KLK15: variants seen among roughly 807,000 people sequenced by gnomAD.
KLK15 encodes kallikrein-15.
In KLK15, 19 loss-of-function variants were observed where a neutral mutation model predicts 21.1. The ratio of observed to expected loss-of-function variants is 0.90; its 90% confidence interval spans 0.63 to 1.32. The LOEUF is 1.32. KLK15 is among the 40% of genes most tolerant of loss of function. The pLI, the probability that KLK15 is intolerant of heterozygous loss-of-function variation, is 0.00. For synonymous variants in KLK15, 141 were observed against 141.5 expected (o/e 1.00, Z 0.03); for missense variants, 345 against 348.6 (o/e 0.99, Z 0.08).
At chr19:50,827,161 G>A (rs761934373) in exon 3 of KLK15, 11 of 1,574,736 alleles carry the variant, frequency 7.0e-6, no homozygotes, top group Non-Finnish European at 9.4e-6. Flanking sequence ...CTCTCATGAA[G>A]CTGTGCGGGC....
In KLK15 at chr19:50,826,457, C is replaced by G. The variant is rs1485678584; in HGVS notation, c.618+164G>C. The G allele has an allele frequency of 7.7e-6, 6 of 777,250 alleles. No individual in the cohort carries two copies. In the East Asian group the frequency reaches 1.7e-4, roughly 22 times the overall value. The allele number at this position is 777,250 out of a possible 1,614,324, so 48.1% of individuals were successfully genotyped here. A position where few individuals can be genotyped will look rare whatever the true frequency, so the allele number is the denominator to read the frequency against. On this transcript the variant is annotated intron_variant, in intron 4 of 4. Coordinates refer to ENST00000598239, the Ensembl canonical transcript of KLK15. ...AACAACGCAATCCCCACCTATAACC[C>G]CAACTCCAACCTCACCCCTATTCTA...
intron 1 of KLK15, among the ~76,000 whole-genome samples, chr19:50,829,959 A>G (rs968032414): frequency 7.9e-5 from 12 of 151,768 alleles, no homozygotes; most frequent in Non-Finnish European, 1.0e-4. Context: ...GCACCCAGAC[A>G]CGGGGCTGGG....
chr19:50,827,081 ATGACCCG>A lies in KLK15; in HGVS notation c.271_277del (p.Arg91PhefsTer20). ...GCGCGCTTCGTAGCGCGGGTGTGGA[ATGACCCG>A]AGACGTGGTCCGTAGTTGCTCTGGG... On this transcript the variant is annotated frameshift_variant, in exon 3 of 5. Transcript: ENST00000598239. LOFTEE classifies it high-confidence loss of function. The A allele has an allele frequency of 6.2e-7, 1 of 1,606,304 alleles. No individual in the cohort carries two copies. Among genetic ancestry groups the A allele is most frequent in the South Asian group, 1.1e-5 (1 of 91,074 alleles).
chr19:50,828,337 G>A (rs989715437), intron 1 of KLK15, among the ~76,000 whole-genome samples: 2 of 151,584 alleles, frequency 1.3e-5, no homozygotes, highest in Non-Finnish European at 3.0e-5. Context: ...AGAGAGGAAG[G>A]GGAACAGACC....
chr19:50,825,580 T>C, downstream of KLK15: 1 of 444,992 alleles, frequency 2.2e-6, no homozygotes, highest in East Asian at 3.7e-5. Flanking sequence ...CAGAAATTCC[T>C]ACAGAGCAAC....
In KLK15 at chr19:50,825,890, C is replaced by T. The variant is rs113529853; in HGVS notation, c.677G>A (p.Gly226Asp). The T allele has an allele frequency of 4.0e-3, 6,511 of 1,613,964 alleles. 25 individuals carry two copies. The highest frequency in any genetic ancestry group is 5.1e-3 in the Non-Finnish European group (5,991 of 1,179,914). Reference sequence around the variant, plus strand: ...GGTGGTGTTGTCACAAGGGACGTCACCCCAGGACACAATGCCCTGCAGGAT... The same window carrying T: ...GGTGGTGTTGTCACAAGGGACGTCATCCCAGGACACAATGCCCTGCAGGAT... Residue 226 changes from glycine to aspartate, a missense_variant, in exon 5 of 5, where the codon GGT becomes GAT. By Grantham distance (94) the Gly-to-Asp change is moderately conservative. Coordinates refer to ENST00000598239, the Ensembl canonical transcript of KLK15.
intron 1 of KLK15, among the ~76,000 whole-genome samples, chr19:50,830,030 C>T (rs2089954393): frequency 6.6e-6 from 1 of 151,476 alleles, no homozygotes; most frequent in African/African-American, 2.4e-5. Flanking sequence ...CATATTTATC[C>T]ATCTCTAGAT....
chr19:50,827,149 C>T, exon 3 of KLK15: 1 of 1,589,052 alleles, frequency 6.3e-7, no homozygotes, highest in Non-Finnish European at 8.5e-7. Flanking sequence ...CTCCCAGGCG[C>T]ACTCTCATGA....
upstream of KLK15, chr19:50,831,558 GACCC>G: frequency 5.4e-6 from 7 of 1,300,976 alleles, no homozygotes; most frequent in African/African-American, 3.2e-5. Context: ...GGTGAGGCAG[GACCC>G]TTCTGCCTCC....
At chr19:50,828,969 C>CAAAAAAAAAAAAAAAAAAAAAAAAAA in intron 1 of KLK15, among the ~76,000 whole-genome samples, 1 of 56,642 alleles carries the variant, frequency 1.8e-5, no homozygotes, top group Non-Finnish European at 3.2e-5. Flanking sequence ...AACTCCATCT[C>CAAAAAAAAAAAAAAAAAAAAAAAAAA]AAAAAAAAAA....
At chr19:50,829,689 G>T (rs1342411293) in intron 1 of KLK15, among the ~76,000 whole-genome samples, 1 of 151,662 alleles carries the variant, frequency 6.6e-6, no homozygotes, top group African/African-American at 2.4e-5. Context: ...GCGTGGTGGT[G>T]CGTGCCTGTA....
intron 1 of KLK15, 37 bp from the exon 3 acceptor site, chr19:50,827,852 C>T (rs768089389): frequency 1.9e-6 from 3 of 1,597,394 alleles, no homozygotes; most frequent in Non-Finnish European, 2.6e-6. Flanking sequence ...AGGACAGGGA[C>T]GTTTACATTG....
downstream of KLK15, chr19:50,825,741 G>A: frequency 1.3e-6 from 2 of 1,564,674 alleles, no homozygotes; most frequent in Non-Finnish European, 1.7e-6. Flanking sequence ...CGGGGCTGCT[G>A]GCCAGCTGTG....
At chr19:50,832,724 T>G (rs2090012014), upstream of KLK15, among the ~76,000 whole-genome samples, 1 of 152,116 alleles carries the variant, frequency 6.6e-6, no homozygotes. Flanking sequence ...TTTTCCCTCC[T>G]GCCATTTCAT....
At position 50,831,448 on chromosome 19, in the gene KLK15, A is replaced by T; in HGVS notation, c.43+2T>A. ...CCTGGCCCCCTCCTGGGGCCACCTC[A>T]CCTGTGGATGCCAGCAGGAAGGAGA... is the stretch of plus-strand genomic sequence containing the variant. On this transcript the variant is annotated splice_donor_variant, in intron 1 of 4. Transcript: ENST00000598239. LOFTEE classifies it high-confidence loss of function. 1 of 1,430,980 alleles carries T rather than the reference A, an allele frequency of 7.0e-7. No homozygotes were observed. Among genetic ancestry groups the T allele is most frequent in the Non-Finnish European group, 9.1e-7 (1 of 1,096,066 alleles). The allele number at this position is 1,430,980 out of a possible 1,614,324, so 88.6% of individuals were successfully genotyped here.
At chr19:50,831,399 GA>G in intron 1 of KLK15, 50 bp downstream of exon 2, 1 of 1,322,518 alleles carries the variant, frequency 7.6e-7, no homozygotes, top group Non-Finnish European at 9.9e-7. Flanking sequence ...ACATGCTTGG[GA>G]AGGGGGCACC....
upstream of KLK15, among the ~76,000 whole-genome samples, chr19:50,832,313 TTTTTTTTTC>T (rs1419748652): frequency 3.1e-5 from 3 of 96,324 alleles, no homozygotes; most frequent in African/African-American, 1.0e-4. Context: ...ACTTTCTTTC[TTTTTTTTTC>T]TTTTTTTTTT....
chr19:50,829,829 A>G (rs146017451), intron 1 of KLK15, among the ~76,000 whole-genome samples: 1 of 151,530 alleles, frequency 6.6e-6, no homozygotes, highest in South Asian at 2.1e-4. Flanking sequence ...AAAAAACCAA[A>G]CAAACAAAAA....
chr19:50,827,262 G>T (rs1400145909), intron 2 of KLK15, 101 bp from the exon 4 acceptor site: 14 of 1,139,234 alleles, frequency 1.2e-5, no homozygotes, highest in Non-Finnish European at 1.6e-5. Context: ...GAGGTCTCCC[G>T]ACCCTTTAGA....
Sources: allele counts gnomAD v4.1 joint callset (sites outside exome capture counted in the v4.1 genomes callset), GRCh38; gene constraint gnomAD v4.1.1; transcripts MANE v1.5; gene names NCBI Gene and HGNC (gene_info 2026-07-23, HGNC 2026-07-21).